Variants in CSTF3 observed in about 807,000 individuals in gnomAD.
CSTF3 encodes CF-1 77 kDa subunit.
A neutral mutation model predicts 105.8 loss-of-function variants in CSTF3; 29 were observed. That is an observed-to-expected ratio of 0.27 (90% CI 0.20 to 0.37). CSTF3 has a LOEUF of 0.37. CSTF3 is among the 10% of genes least tolerant of loss of function. The probability of loss-of-function intolerance (pLI) is 1.00; values close to 1 mark genes in which losing one functional copy is unlikely to be tolerated. For missense variants in CSTF3, 357 were observed against 879.3 expected, an observed-to-expected ratio of 0.41 and a Z score of 7.51; for synonymous variants, 252 against 281.9, an observed-to-expected ratio of 0.89 and a Z score of 1.06.
chr11:33,150,034 A>AAACAAAC (rs1554952932), intron 1 of CSTF3, among the ~76,000 whole-genome samples: 20 of 148,286 alleles, frequency 1.3e-4, no homozygotes, highest in Non-Finnish European at 2.7e-4. Flanking sequence ...CAAAACAAAC[A>AAACAAAC]AACAACAACA....
At chr11:33,090,855 A>AT (rs148434560) in intron 16 of CSTF3, 128 bp from the exon 17 acceptor site, 89,318 of 530,368 alleles carry the variant, frequency 0.17, 8,855 homozygotes, top group East Asian at 0.3. Flanking sequence ...TATTATAAAG[A>AT]TTTTTAGACT....
chr11:33,139,572 AAAATAAACAGC>A (rs1225437806), intron 3 of CSTF3, among the ~76,000 whole-genome samples: 1 of 151,964 alleles, frequency 6.6e-6, no homozygotes, highest in African/African-American at 2.4e-5. Flanking sequence ...GTGAAAATAA[AAAATAAACAGC>A]AAACCAGGAA....
intron 3 of CSTF3, among the ~76,000 whole-genome samples, chr11:33,114,520 A>G (rs977493517): frequency 6.6e-6 from 1 of 152,202 alleles, no homozygotes; most frequent in Admixed American, 6.5e-5. Context: ...ATCACCAGTT[A>G]TAAGAATCAT....
chr11:33,144,207 C>G (rs1302066534), intron 1 of CSTF3, among the ~76,000 whole-genome samples: 3 of 151,866 alleles, frequency 2.0e-5, no homozygotes, highest in Non-Finnish European at 4.4e-5. Context: ...AAAAAAGTAT[C>G]TGTTCAGATT....
intron 1 of CSTF3, chr11:33,145,010 C>T (rs1040958244): frequency 6.6e-6 from 1 of 151,368 alleles, no homozygotes; most frequent in Non-Finnish European, 1.5e-5. Flanking sequence ...AGTAAACTTA[C>T]ATGGTAAGTT....
At chr11:33,145,522 A>G (rs989251117) in intron 1 of CSTF3, among the ~76,000 whole-genome samples, 1 of 152,244 alleles carries the variant, frequency 6.6e-6, no homozygotes, top group Non-Finnish European at 1.5e-5. Flanking sequence ...AAGAAATGCA[A>G]ATATTGGCCG....
At chr11:33,160,434 G>A (rs1307744538) in intron 1 of CSTF3, among the ~76,000 whole-genome samples, 1 of 152,170 alleles carries the variant, frequency 6.6e-6, no homozygotes. Context: ...TGAGACTGCA[G>A]GCTACCTAGC....
chr11:33,129,408 T>A (rs969478272), intron 3 of CSTF3, among the ~76,000 whole-genome samples: 1 of 151,848 alleles, frequency 6.6e-6, no homozygotes, highest in Non-Finnish European at 1.5e-5. Flanking sequence ...TTTTTTTTTT[T>A]ACCTATATCC....
chr11:33,094,975 C>T (rs867098699), intron 15 of CSTF3, among the ~76,000 whole-genome samples: 10 of 152,062 alleles, frequency 6.6e-5, no homozygotes, highest in Middle Eastern at 3.2e-3. Flanking sequence ...CTCGGCTCAC[C>T]GCAGCCTCCC....
intron 3 of CSTF3, among the ~76,000 whole-genome samples, chr11:33,114,481 A>G (rs186897845): frequency 6.6e-6 from 1 of 152,292 alleles, no homozygotes; most frequent in African/African-American, 2.4e-5. Flanking sequence ...CATAAAGTCA[A>G]AAGTTTTAAA....
chr11:33,119,836 T>TTTG (rs1265820905), intron 3 of CSTF3, among the ~76,000 whole-genome samples: 7 of 151,830 alleles, frequency 4.6e-5, no homozygotes, highest in African/African-American at 1.7e-4. Flanking sequence ...TTATTTCTAT[T>TTTG]TTGTTGTTGA....
rs138727904 is a variant in CSTF3 at position 33,152,317 on chromosome 11, T to C, written c.27+8982A>G. Among the ~76,000 whole-genome samples the C allele has an allele frequency of 8.9e-3, 1,359 of 152,224 alleles. 4 individuals are homozygous for C. The highest frequency in any genetic ancestry group is 0.013 in the Non-Finnish European group (882 of 68,020). On this transcript the variant is annotated intron_variant, in intron 1 of 20. Transcript: ENST00000323959. ...ACGTATTATTATTACTTTTTAGAGG[T>C]ATAGTTTTGCTATGTTGCTCAGGTT...
Position 33,087,121 on chromosome 11 carries a change from T to C in CSTF3, c.1662A>G (p.Leu554=). 6.2e-7 allele frequency: 1 copy of C among 1,614,102 alleles called. No homozygotes were observed. Among genetic ancestry groups the C allele is most frequent in the South Asian group, 1.1e-5 (1 of 91,086 alleles). The change falls in exon 18 of 21, where the codon CTA becomes CTG. Residue 554 remains leucine (L), a synonymous_variant. Transcript: ENST00000323959. ...CAACTGGGTCCGGAATTATAGCTGC[T>C]AGCTTAGCACGGGAGACATCCTGAA... ...LGYKDVSRAK[L]AAIIPDPVVA...
At chr11:33,125,432 T>C (rs1270953679) in intron 3 of CSTF3, among the ~76,000 whole-genome samples, 3 of 152,330 alleles carry the variant, frequency 2.0e-5, no homozygotes, top group African/African-American at 4.8e-5. Flanking sequence ...AGAAAGGGTA[T>C]GAATAAGCTA....
In CSTF3 at chr11:33,125,556, C is replaced by A. The variant is rs11032150; in HGVS notation, c.225+16111G>T. ...TCACACAAATCCACATAAAGAACAT[C>A]TCAGGATTCCCCCATTCTGCTCTAC... On this transcript the variant is annotated intron_variant, in intron 3 of 20. Coordinates refer to ENST00000323959, the MANE Select transcript of CSTF3 (RefSeq NM_001326.3). 8.9e-3 allele frequency among the ~76,000 whole-genome samples: 1,359 copies of A among 152,288 alleles called. 5 individuals are homozygous for A. Among genetic ancestry groups the A allele is most frequent in the Non-Finnish European group, 0.013 (883 of 68,018 alleles).
chr11:33,144,799 G>A (rs561418908), intron 1 of CSTF3: 77 of 161,638 alleles, frequency 4.8e-4, no homozygotes, highest in South Asian at 4.0e-3. Flanking sequence ...TGGGCAACAC[G>A]GCAGAATCCC....
intron 17 of CSTF3, among the ~76,000 whole-genome samples, chr11:33,088,764 A>C (rs1026488553): frequency 6.6e-6 from 1 of 151,440 alleles, no homozygotes; most frequent in Admixed American, 6.6e-5. Flanking sequence ...GCGCCACCAC[A>C]CCTGGCTAAT....
rs1855249254 is a variant in CSTF3 at position 33,098,676 on chromosome 11, G to A, written c.1128+14C>T. On this transcript the variant is annotated intron_variant, in intron 13 of 20. Transcript: ENST00000323959. ...ACTGTAAAGGTGGAAAAAAAGATTT[G>A]TAAAGTTACTCACCAAGGTAGGGTC... 1.3e-6 allele frequency: 2 copies of A among 1,530,444 alleles called. No individual in the cohort carries two copies. The highest frequency in any genetic ancestry group is 2.8e-5 in the African/African-American group (2 of 71,902). The allele number at this position is 1,530,444 out of a possible 1,614,324, so 94.8% of individuals were successfully genotyped here. A position where few individuals can be genotyped will look rare whatever the true frequency, so the allele number is the denominator to read the frequency against.
Position 33,085,216 on chromosome 11 carries a change from T to G in CSTF3, c.2025A>C (p.Glu675Asp). The part of the protein sequence containing the change: ...ELAVEGNGPV[E>D]SNAVLTKAVK... ...CGGCCTTGGTGAGTACTGCATTACT[T>G]TCCACGGGGCCGTTGCCTTCTACAG... Residue 675 changes from glutamate (E) to aspartate (D), a missense_variant, in exon 21 of 21, where the codon GAA becomes GAC. Physicochemically the swap from Glu to Asp is conservative, Grantham distance 45. Transcript: ENST00000323959. 6.2e-7 allele frequency: 1 copy of G among 1,609,900 alleles called. No individual in the cohort carries two copies. Among genetic ancestry groups the G allele is most frequent in the Admixed American group, 1.7e-5 (1 of 59,236 alleles).
Sources: allele counts gnomAD v4.1 joint callset (sites outside exome capture counted in the v4.1 genomes callset), GRCh38; gene constraint gnomAD v4.1.1; transcripts MANE v1.5; gene names NCBI Gene and HGNC (gene_info 2026-07-23, HGNC 2026-07-21).